Variants in NALF1 observed in about 807,000 individuals in gnomAD.
NALF1 encodes the protein NALCN channel auxiliary factor 1.
Under a neutral mutation model 48.4 loss-of-function variants are expected in NALF1, and 3 were observed. The ratio of observed to expected loss-of-function variants is 0.06; its 90% confidence interval spans 0.03 to 0.16. The LOEUF (loss-of-function observed/expected upper bound fraction) is 0.16, where lower values mean the gene tolerates loss of function less well. Ranked by LOEUF, NALF1 falls within the 10% of genes least tolerant of loss-of-function variation. The pLI is 1.00. For missense variants in NALF1, 526 were observed against 571.5 expected (o/e 0.92, Z 0.81); for synonymous variants, 262 against 245.7 (o/e 1.07, Z -0.62).
At chr13:107,253,684 C>T (rs945937183) in intron 1 of NALF1, among the ~76,000 whole-genome samples, 11 of 152,198 alleles carry the variant, frequency 7.2e-5, no homozygotes, top group African/African-American at 2.7e-4. Context: ...TTCCTCTCTA[C>T]CTTGTATTTG....
intron 1 of NALF1, among the ~76,000 whole-genome samples, chr13:107,306,949 G>C (rs1420446300): frequency 6.6e-6 from 1 of 152,106 alleles, no homozygotes; most frequent in Non-Finnish European, 1.5e-5. Flanking sequence ...CAGAGTGAGA[G>C]CTTGTCTCAA....
chr13:107,552,241 A>T (rs531368524), intron 1 of NALF1, among the ~76,000 whole-genome samples: 7 of 152,306 alleles, frequency 4.6e-5, no homozygotes, highest in Admixed American at 3.9e-4. Flanking sequence ...TTTTTAGTAT[A>T]TTCTCAGCAC....
intron 1 of NALF1, among the ~76,000 whole-genome samples, chr13:107,226,195 AC>A (rs1292262834): frequency 6.6e-6 from 1 of 152,036 alleles, no homozygotes; most frequent in Non-Finnish European, 1.5e-5. Flanking sequence ...TTGGATGAAG[AC>A]CTTGGATAAG....
intron 1 of NALF1, among the ~76,000 whole-genome samples, chr13:107,410,726 T>C (rs554551619): frequency 3.3e-5 from 5 of 152,308 alleles, no homozygotes; most frequent in Admixed American, 1.3e-4. Context: ...TCAGAAGACT[T>C]ACCTCAGCTG....
At chr13:107,635,061 G>T (rs764337223) in intron 1 of NALF1, among the ~76,000 whole-genome samples, 25 of 152,082 alleles carry the variant, frequency 1.6e-4, no homozygotes, top group Non-Finnish European at 3.1e-4. Flanking sequence ...TAATTAATAT[G>T]TTTTGGCCAA....
chr13:107,364,027 G>A (rs9559027), intron 1 of NALF1, among the ~76,000 whole-genome samples: 37,955 of 152,054 alleles, frequency 0.25, 5,047 homozygotes, highest in African/African-American at 0.35. Flanking sequence ...CAGTCTATAC[G>A]TAATAAGAAG....
intron 1 of NALF1, among the ~76,000 whole-genome samples, chr13:107,532,453 C>T (rs1020563731): frequency 5.3e-5 from 8 of 151,940 alleles, no homozygotes; most frequent in African/African-American, 1.9e-4. Flanking sequence ...TTCCAATAAG[C>T]GTTCATTCTA....
rs554768704 is a variant in NALF1 at position 107,462,496 on chromosome 13, G to T, written c.916-251741C>A. On this transcript the variant is annotated intron_variant, in intron 1 of 2. Transcript: ENST00000375915. Reference sequence around the variant, plus strand: ...AGTAAGAGGAAAATAAAAGAAATGGGTATGTGAAATGGGTGTAATGACACA... The same window carrying T: ...AGTAAGAGGAAAATAAAAGAAATGGTTATGTGAAATGGGTGTAATGACACA... Among the ~76,000 whole-genome samples the T allele has an allele frequency of 5.5e-4, 83 of 152,292 alleles. 2 individuals are homozygous for T. The South Asian group carries it at 0.014, about 25-fold the overall frequency.
chr13:107,797,397 G>C (rs749565814), intron 1 of NALF1, among the ~76,000 whole-genome samples: 1 of 152,052 alleles, frequency 6.6e-6, no homozygotes, highest in African/African-American at 2.4e-5. Context: ...TTTTAGTAGA[G>C]AGGGGGTTTC....
intron 1 of NALF1, among the ~76,000 whole-genome samples, chr13:107,457,458 G>C (rs8001185): frequency 0.24 from 36,595 of 151,912 alleles, 5,412 homozygotes; most frequent in African/African-American, 0.42. Flanking sequence ...AGTGCAGAAA[G>C]CCAAGAAAGT....
chr13:107,539,419 A>G (rs1025117672), intron 1 of NALF1, among the ~76,000 whole-genome samples: 1 of 150,024 alleles, frequency 6.7e-6, no homozygotes, highest in Admixed American at 6.6e-5. Context: ...TTGTGAGTCA[A>G]TCACCTCTTA....
chr13:107,687,640 T>C (rs1881468083), intron 1 of NALF1, among the ~76,000 whole-genome samples: 1 of 152,186 alleles, frequency 6.6e-6, no homozygotes, highest in Non-Finnish European at 1.5e-5. Context: ...TAATTTTACC[T>C]ACTTTAGCAA....
At chr13:107,313,801 T>C (rs546505324) in intron 1 of NALF1, among the ~76,000 whole-genome samples, 1 of 152,290 alleles carries the variant, frequency 6.6e-6, no homozygotes, top group South Asian at 2.1e-4. Context: ...TTTTGTCTAT[T>C]ATCTGTGACC....
At chr13:107,468,122 T>C (rs1885039134) in intron 1 of NALF1, among the ~76,000 whole-genome samples, 1 of 152,078 alleles carries the variant, frequency 6.6e-6, no homozygotes, top group East Asian at 1.9e-4. Flanking sequence ...TCTGTACCTC[T>C]GTCTGTTTTT....
chr13:107,754,891 A>G (rs1347775951), intron 1 of NALF1, among the ~76,000 whole-genome samples: 1 of 152,206 alleles, frequency 6.6e-6, no homozygotes, highest in Non-Finnish European at 1.5e-5. Context: ...GGGTAAGTAC[A>G]GTTTTACTCT....
chr13:107,734,433 A>C (rs931428727), intron 1 of NALF1, among the ~76,000 whole-genome samples: 1 of 149,854 alleles, frequency 6.7e-6, no homozygotes, highest in Non-Finnish European at 1.5e-5. Context: ...CACACACACA[A>C]TGGAATTAAG....
rs147536015 is a variant in NALF1 at position 107,192,587 on chromosome 13, T to A, written c.1087+17997A>T. Among the ~76,000 whole-genome samples the A allele has an allele frequency of 4.8e-4, 73 of 152,314 alleles. 2 individuals are homozygous for A. Among genetic ancestry groups the A allele is most frequent in the African/African-American group, 1.7e-3 (72 of 41,578 alleles). On this transcript the variant is annotated intron_variant, in intron 2 of 2. Coordinates refer to ENST00000375915, the MANE Select transcript of NALF1 (RefSeq NM_001080396.3). ...AAGCTAGCTAGCTAACTTCCTCACA[T>A]TCCTTTGTTACTACTCTAATTTATT...
chr13:107,494,254 T>A (rs1477169347), intron 1 of NALF1, among the ~76,000 whole-genome samples: 1 of 152,126 alleles, frequency 6.6e-6, no homozygotes, highest in Non-Finnish European at 1.5e-5. Context: ...GACAAATTAA[T>A]TCAATAATTT....
intron 1 of NALF1, among the ~76,000 whole-genome samples, chr13:107,708,844 G>A (rs1875481667): frequency 6.6e-6 from 1 of 152,072 alleles, no homozygotes; most frequent in African/African-American, 2.4e-5. Flanking sequence ...TAGGTATTAA[G>A]CTCAGCATCC....
Sources: gnomAD v4.1 joint callset for allele counts (sites outside exome capture counted in the v4.1 genomes callset) on GRCh38, gnomAD v4.1.1 for gene constraint, MANE v1.5 for transcripts, NCBI Gene and HGNC (gene_info 2026-07-23, HGNC 2026-07-21) for gene names.